NANOG: variants seen among roughly 807,000 people sequenced by gnomAD.
NANOG encodes the protein Nanog homeobox, also known as homeobox protein NANOG.
A neutral mutation model predicts 17.7 loss-of-function variants in NANOG; 2 were observed. That is an observed-to-expected ratio of 0.11 (90% CI 0.05 to 0.36). The LOEUF (loss-of-function observed/expected upper bound fraction) is 0.36. NANOG is among the 10% of genes least tolerant of loss of function. The pLI, the probability that NANOG is intolerant of heterozygous loss-of-function variation, is 1.00. For missense variants in NANOG, 174 were observed against 362.1 expected, an observed-to-expected ratio of 0.48 and a Z score of 4.22; for synonymous variants, 81 against 124.7, an observed-to-expected ratio of 0.65 and a Z score of 2.33.
At chr12:7,792,530 G>T (rs747448846) in intron 1 of NANOG, among the ~76,000 whole-genome samples, 1 of 152,268 alleles carries the variant, frequency 6.6e-6, no homozygotes, top group East Asian at 1.9e-4. Flanking sequence ...CAGGCGTGAT[G>T]GTGCCTGCCT....
At chr12:7,794,186 G>A (rs1862884330) in intron 2 of NANOG, among the ~76,000 whole-genome samples, 2 of 152,114 alleles carry the variant, frequency 1.3e-5, no homozygotes, top group East Asian at 1.9e-4. Flanking sequence ...CGATCCTCCC[G>A]TCTCAGCCTC....
Position 7,789,631 on chromosome 12 carries a change from C to G in NANOG, c.17C>G (p.Ala6Gly), listed in dbSNP as rs768420737. The change falls in exon 1 of 4, where the codon GCT becomes GGT. Residue 6 changes from alanine to glycine, a missense_variant. This residue lies in a region of NANOG where 158 missense variants were observed against 244.2 expected (regional missense o/e 0.65). Transcript: ENST00000229307. MSVDP[A>G]CPQSLPCFEA... ...TATACTAACATGAGTGTGGATCCAGCTTGTCCCCAAAGCTTGCCTTGCTTT... is the reference window on the plus strand; with the variant it reads ...TATACTAACATGAGTGTGGATCCAGGTTGTCCCCAAAGCTTGCCTTGCTTT... 6.2e-7 allele frequency: 1 copy of G among 1,613,806 alleles called. No individual in the cohort carries two copies. Among genetic ancestry groups the G allele is most frequent in the Non-Finnish European group, 8.5e-7 (1 of 1,180,018 alleles).
rs1403809950 is a variant in NANOG, at chr12:7,797,772, GTC to G, written c.*2682_*2683del. The G allele has an allele frequency of 2.0e-5, 3 of 151,688 alleles. No homozygotes were observed. The highest frequency in any genetic ancestry group is 4.4e-5 in the Non-Finnish European group (3 of 68,024). 9.4% of individuals were successfully genotyped at this position (151,688 alleles called of 1,614,324 possible). ...GGATTCAAGCAATCCTCCTGCCTGA[GTC>G]TCTCAAATAGCCCAGACTATAGGTG... On this transcript the variant is annotated 3_prime_UTR_variant, in exon 4 of 4. Coordinates refer to ENST00000229307, the MANE Select transcript of NANOG (RefSeq NM_024865.4).
At chr12:7,790,743 CCCTGCTTTT>C (rs143117295) in intron 1 of NANOG, among the ~76,000 whole-genome samples, 11,888 of 152,000 alleles carry the variant, frequency 0.078, 866 homozygotes, top group East Asian at 0.2. Context: ...TTGAATGTCA[CCCTGCTTTT>C]CCTCTTTTTT....
intron 1 of NANOG, among the ~76,000 whole-genome samples, chr12:7,791,985 C>T (rs1862847239): frequency 6.6e-6 from 1 of 152,212 alleles, no homozygotes; most frequent in Non-Finnish European, 1.5e-5. Context: ...ATCACGGCCT[C>T]CTGGGTTCAA....
chr12:7,793,726 G>A (rs1862876124), intron 2 of NANOG, among the ~76,000 whole-genome samples: 1 of 151,952 alleles, frequency 6.6e-6, no homozygotes, highest in Non-Finnish European at 1.5e-5. Context: ...TTTTGAGACG[G>A]AGTCTCACTC....
At chr12:7,790,887 C>T (rs1397752346) in intron 1 of NANOG, among the ~76,000 whole-genome samples, 2 of 151,922 alleles carry the variant, frequency 1.3e-5, no homozygotes, top group Admixed American at 6.6e-5. Context: ...GGACAAGAGG[C>T]GTGTGTCACT....
In NANOG at chr12:7,789,447, T is replaced by A. The variant is rs933603341; in HGVS notation, c.-168T>A. 9 of 617,444 alleles carry A rather than the reference T, an allele frequency of 1.5e-5. No individual in the cohort carries two copies. The highest frequency in any genetic ancestry group is 2.6e-5 in the Non-Finnish European group (9 of 350,048). 38.2% of individuals were successfully genotyped at this position (617,444 alleles called of 1,614,324 possible). ...ATTTTAACGTTCTGCTGGACTGAGC[T>A]GGTTGCCTCATGTTATTATGCAGGC... On this transcript the variant is annotated 5_prime_UTR_variant, in exon 1 of 4. Transcript: ENST00000229307.
In NANOG at chr12:7,798,018, G is replaced by GT. The variant is rs1217310007; in HGVS notation, c.*2924dup. 6.6e-6 allele frequency: 1 copy of GT among 151,838 alleles called. No homozygotes were observed. The highest frequency in any genetic ancestry group is 1.5e-5 in the Non-Finnish European group (1 of 67,990). The allele number at this position is 151,838 out of a possible 1,614,324, so 9.4% of individuals were successfully genotyped here. A position where few individuals can be genotyped will look rare whatever the true frequency, so the allele number is the denominator to read the frequency against. The stretch of plus-strand genomic sequence containing the variant: ...GTATTAATCTTCAACCTCTTGGCAG[G>GT]TAAGAATTTAGAGATCTATTTGGAA... On this transcript the variant is annotated 3_prime_UTR_variant, in exon 4 of 4. Transcript: ENST00000229307.
Position 7,799,051 on chromosome 12 carries a change from G to T in NANOG, c.*3956G>T, listed in dbSNP as rs1181423056. 6.6e-6 allele frequency: 1 copy of T among 151,900 alleles called. No individual in the cohort carries two copies. Among genetic ancestry groups the T allele is most frequent in the East Asian group, 1.9e-4 (1 of 5,180 alleles). 9.4% of individuals were successfully genotyped at this position (151,900 alleles called of 1,614,324 possible). On this transcript the variant is annotated 3_prime_UTR_variant, in exon 4 of 4. Transcript: ENST00000229307. The stretch of plus-strand genomic sequence containing the variant: ...TGAAGTGAAACTTGATTGAAAAGAA[G>T]CTGCTGGTGGTGAGTCTCTCCTTAA...
At chr12:7,792,296 C>A (rs751284354) in intron 1 of NANOG, among the ~76,000 whole-genome samples, 2 of 152,138 alleles carry the variant, frequency 1.3e-5, no homozygotes, top group East Asian at 1.9e-4. Flanking sequence ...AGATGCAATA[C>A]GTGAAAATTG....
chr12:7,789,829 G>T, intron 1 of NANOG, 64 bp downstream of exon 1: 4 of 1,511,666 alleles, frequency 2.6e-6, no homozygotes, highest in Non-Finnish European at 3.6e-6. Context: ...AGGAGAGAGG[G>T]TTAAGGGATC....
intron 1 of NANOG, among the ~76,000 whole-genome samples, chr12:7,792,322 G>C (rs1862851751): frequency 6.6e-6 from 1 of 152,160 alleles, no homozygotes; most frequent in Non-Finnish European, 1.5e-5. Context: ...TCTCCATTCT[G>C]ACCTATTAAC....
chr12:7,793,345 T>G, intron 2 of NANOG, 133 bp downstream of exon 2: 1 of 769,996 alleles, frequency 1.3e-6, no homozygotes, highest in Non-Finnish European at 2.1e-6. Flanking sequence ...TTTATGAAGA[T>G]GAAATGCTTT....
chr12:7,798,668 G>T lies in NANOG; in HGVS notation c.*3573G>T, dbSNP rs1306791660. Reference sequence around the variant, plus strand: ...AAAACTCAGAAGTGGGAGGAATACAGGCCTTGATTAGTGAATTTCAAGCTC... The same window carrying T: ...AAAACTCAGAAGTGGGAGGAATACATGCCTTGATTAGTGAATTTCAAGCTC... On this transcript the variant is annotated 3_prime_UTR_variant, in exon 4 of 4. Transcript: ENST00000229307. 7.1e-6 allele frequency: 1 copy of T among 140,728 alleles called. No homozygotes were observed. The highest frequency in any genetic ancestry group is 7.5e-5 in the Admixed American group (1 of 13,314). 8.7% of individuals were successfully genotyped at this position (140,728 alleles called of 1,614,324 possible). A position where few individuals can be genotyped will look rare whatever the true frequency, so the allele number is the denominator to read the frequency against.
At chr12:7,789,845 C>A in intron 1 of NANOG, 80 bp downstream of exon 1, 1 of 1,410,342 alleles carries the variant, frequency 7.1e-7, no homozygotes, top group Non-Finnish European at 9.9e-7. Flanking sequence ...GGATCATTTC[C>A]CTCTTGAGCA....
chr12:7,790,505 G>T (rs11055772), intron 1 of NANOG, among the ~76,000 whole-genome samples: 32,705 of 152,076 alleles, frequency 0.22, 4,311 homozygotes, highest in South Asian at 0.33. Context: ...GCTGCAAGGG[G>T]TGGGGGATAC....
At chr12:7,790,676 A>G (rs1432409718) in intron 1 of NANOG, among the ~76,000 whole-genome samples, 2 of 152,200 alleles carry the variant, frequency 1.3e-5, no homozygotes, top group Non-Finnish European at 2.9e-5. Context: ...ACAGTTGTAA[A>G]GAGTAGGTTG....
chr12:7,794,362 G>A (rs1862886942), intron 2 of NANOG, 95 bp from the exon 3 acceptor site: 6 of 1,174,108 alleles, frequency 5.1e-6, no homozygotes, highest in East Asian at 5.1e-5. Flanking sequence ...CATGAGATAT[G>A]GCACCTGGCC....
Sources: gnomAD v4.1 joint callset for allele counts (sites outside exome capture counted in the v4.1 genomes callset) on GRCh38, gnomAD v4.1.1 for gene constraint, gnomAD v4.1.1 regional missense constraint, MANE v1.5 for transcripts, NCBI Gene and HGNC (gene_info 2026-07-23, HGNC 2026-07-21) for gene names.